TLK2: variants seen among roughly 807,000 people sequenced by gnomAD.
TLK2 encodes the protein serine/threonine-protein kinase tousled-like 2.
Under a neutral mutation model 117.3 loss-of-function variants are expected in TLK2, and 6 were observed. The observed-to-expected ratio is 0.05, with a 90% CI of 0.03 to 0.10. The LOEUF (loss-of-function observed/expected upper bound fraction) is 0.10, where lower values mean the gene tolerates loss of function less well. TLK2 is among the 10% of genes least tolerant of loss of function. The pLI is 1.00. For synonymous variants in TLK2, 257 were observed against 316.7 expected (o/e 0.81, Z 2.00); for missense variants, 299 against 901.2 (o/e 0.33, Z 8.56).
intron 2 of TLK2, among the ~76,000 whole-genome samples, chr17:62,513,224 G>C (rs1476403921): frequency 6.8e-6 from 1 of 147,692 alleles, no homozygotes; most frequent in Non-Finnish European, 1.5e-5. Context: ...TTTTTGTTTT[G>C]TTTTGTTTGT....
intron 12 of TLK2, 139 bp downstream of exon 12, chr17:62,573,506 C>A: frequency 8.5e-7 from 1 of 1,174,124 alleles, no homozygotes; most frequent in Non-Finnish European, 1.2e-6. Context: ...AATGGATTTG[C>A]TCAACTCATA....
rs185731379 is a variant in TLK2, at chr17:62,516,530, G to A, written c.82-4243G>A. On this transcript the variant is annotated intron_variant, in intron 2 of 21. Coordinates refer to ENST00000346027, the MANE Select transcript of TLK2 (RefSeq NM_006852.6). ...TCCGGGGGCAGATGAAGGTAATCAC[G>A]GAGATACTGGATACACTCATTGGTA... is the stretch of plus-strand genomic sequence containing the variant. 116 of 1,608,816 alleles carry A rather than the reference G, an allele frequency of 7.2e-5. No homozygotes were observed. The African/African-American group carries it at 1.3e-3, about 18-fold the overall frequency.
intron 2 of TLK2, among the ~76,000 whole-genome samples, chr17:62,491,299 T>C (rs925471307): frequency 2.0e-4 from 30 of 152,306 alleles, no homozygotes; most frequent in Admixed American, 1.9e-3. Context: ...TCTGTTTACT[T>C]TTAGTTAAAT....
At chr17:62,574,662 T>G (rs1178848569) in intron 12 of TLK2, among the ~76,000 whole-genome samples, 1 of 152,064 alleles carries the variant, frequency 6.6e-6, no homozygotes, top group Non-Finnish European at 1.5e-5. Flanking sequence ...ACTACAGGCG[T>G]GCACCACCAT....
At chr17:62,542,052 A>G (rs557439774) in intron 7 of TLK2, among the ~76,000 whole-genome samples, 4 of 152,364 alleles carry the variant, frequency 2.6e-5, no homozygotes, top group Admixed American at 1.3e-4. Context: ...GAGGGATTAG[A>G]AAAAGGTCAT....
At chr17:62,535,255 TA>T (rs2077035720) in intron 6 of TLK2, among the ~76,000 whole-genome samples, 1 of 152,152 alleles carries the variant, frequency 6.6e-6, no homozygotes, top group Non-Finnish European at 1.5e-5. Context: ...GGAAGAATCT[TA>T]ATTTATCCCT....
chr17:62,524,152 G>T (rs965115899), intron 5 of TLK2, 84 bp from the exon 6 acceptor site: 1 of 1,141,172 alleles, frequency 8.8e-7, no homozygotes, highest in Non-Finnish European at 1.2e-6. Context: ...ATTAAGATCT[G>T]TTTGTGTATT....
intron 8 of TLK2, among the ~76,000 whole-genome samples, chr17:62,552,713 C>T (rs538107659): frequency 7.1e-4 from 105 of 148,642 alleles, no homozygotes; most frequent in African/African-American, 2.5e-3. Context: ...AGTACCTACG[C>T]TTTGAAGGCC....
intron 7 of TLK2, among the ~76,000 whole-genome samples, chr17:62,549,398 CAAAAA>C (rs777779302): frequency 6.2e-4 from 23 of 37,102 alleles, no homozygotes; most frequent in African/African-American, 1.7e-3. Flanking sequence ...GACTCCATCT[CAAAAA>C]AAAAAAAAAA....
chr17:62,473,784 C>G (rs2070985433), intron 1 of TLK2, among the ~76,000 whole-genome samples: 1 of 152,230 alleles, frequency 6.6e-6, no homozygotes, highest in Admixed American at 6.5e-5. Flanking sequence ...GTGGCTACTT[C>G]CCTTTTAACC....
intron 2 of TLK2, among the ~76,000 whole-genome samples, chr17:62,487,389 C>T (rs1337821181): frequency 2.0e-5 from 3 of 150,588 alleles, no homozygotes; most frequent in African/African-American, 7.3e-5. Context: ...TAAGTCAGCA[C>T]GCGCCTGTAG....
chr17:62,535,402 A>G (rs1003666382), intron 6 of TLK2, among the ~76,000 whole-genome samples: 2 of 152,264 alleles, frequency 1.3e-5, no homozygotes, highest in South Asian at 2.1e-4. Flanking sequence ...GCTTGCATTT[A>G]TTTTAGATTT....
intron 10 of TLK2, among the ~76,000 whole-genome samples, chr17:62,562,898 T>C (rs1162361462): frequency 6.6e-6 from 1 of 152,100 alleles, no homozygotes; most frequent in Non-Finnish European, 1.5e-5. Context: ...GGGAGGAGGA[T>C]CACTTGAACC....
chr17:62,590,268 C>T (rs986963391), intron 16 of TLK2, among the ~76,000 whole-genome samples: 1 of 151,354 alleles, frequency 6.6e-6, no homozygotes, highest in Non-Finnish European at 1.5e-5. Context: ...CCCGTCTCTA[C>T]TAAAAATACA....
chr17:62,480,037 G>A (rs1433294867), intron 1 of TLK2, among the ~76,000 whole-genome samples: 1 of 152,190 alleles, frequency 6.6e-6, no homozygotes, highest in Non-Finnish European at 1.5e-5. Flanking sequence ...TTGCATGTGT[G>A]GGTGAAACTT....
chr17:62,495,158 C>G (rs1367970046), intron 2 of TLK2, among the ~76,000 whole-genome samples: 1 of 151,744 alleles, frequency 6.6e-6, no homozygotes, highest in African/African-American at 2.4e-5. Context: ...CAGAGCAAGA[C>G]CCTATCTCCA....
At position 62,613,767 on chromosome 17, in the gene TLK2, C is replaced by G. The variant is rs1033815685; in HGVS notation, c.*1202C>G. On this transcript the variant is annotated 3_prime_UTR_variant, in exon 22 of 22. Transcript: ENST00000346027. ...GTGTGTCTGTGTGTGCATGTACACA[C>G]ACACTTTGTCTAGCTCACTTTAAAA... 6.6e-6 allele frequency: 1 copy of G among 152,124 alleles called. No individual in the cohort carries two copies. Among genetic ancestry groups the G allele is most frequent in the Non-Finnish European group, 1.5e-5 (1 of 68,028 alleles). 9.4% of individuals were successfully genotyped at this position (152,124 alleles called of 1,614,324 possible). A position where few individuals can be genotyped will look rare whatever the true frequency, so the allele number is the denominator to read the frequency against.
chr17:62,552,091 A>C, intron 7 of TLK2: 6 of 632,358 alleles, frequency 9.5e-6, no homozygotes, highest in Non-Finnish European at 1.4e-5. Context: ...ACCTGTTTAC[A>C]GGAACTTGGT....
At chr17:62,501,193 G>A (rs1295598853) in intron 2 of TLK2, among the ~76,000 whole-genome samples, 9 of 152,102 alleles carry the variant, frequency 5.9e-5, no homozygotes, top group African/African-American at 2.2e-4. Context: ...AGCCAAGATC[G>A]TGCCACTACA....
Sources: gnomAD v4.1 joint callset for allele counts (sites outside exome capture counted in the v4.1 genomes callset) on GRCh38, gnomAD v4.1.1 for gene constraint, MANE v1.5 for transcripts, NCBI Gene and HGNC (gene_info 2026-07-23, HGNC 2026-07-21) for gene names.